The following EPB41L3 variants were observed in gnomAD, a reference collection of about 807,000 sequenced individuals.
EPB41L3 encodes erythrocyte membrane protein band 4.1 like 3.
A neutral mutation model predicts 127.1 loss-of-function variants in EPB41L3; 57 were observed. The observed-to-expected ratio is 0.45, with a 90% CI of 0.36 to 0.56. The LOEUF is 0.56. EPB41L3 is among the 20% of genes least tolerant of loss of function. EPB41L3 has a pLI of 0.00. For missense variants in EPB41L3, 1,273 were observed against 1,372.2 expected (o/e 0.93, Z 1.14); for synonymous variants, 572 against 549.5 (o/e 1.04, Z -0.57).
At chr18:5,394,954 T>C in intron 21 of EPB41L3, 113 bp downstream of exon 21, 2 of 1,255,084 alleles carry the variant, frequency 1.6e-6, no homozygotes, top group Non-Finnish European at 2.3e-6. Flanking sequence ...GAAAGTTAAT[T>C]CGGAATTTTC....
In EPB41L3 at chr18:5,435,701, T is replaced by G. The variant is rs76685741; in HGVS notation, c.606-1580A>C. On this transcript the variant is annotated intron_variant, in intron 6 of 22. Coordinates refer to ENST00000341928, the MANE Select transcript of EPB41L3 (RefSeq NM_012307.5). Reference sequence around the variant, plus strand: ...TCCGCATTGTTAAGTGACATGACTGTGTGATTATTAGGCCCCAATTAGCCT... The same window carrying G: ...TCCGCATTGTTAAGTGACATGACTGGGTGATTATTAGGCCCCAATTAGCCT... Among the ~76,000 whole-genome samples, 917 of 152,292 alleles carry G rather than the reference T, an allele frequency of 6.0e-3. 2 individuals carry two copies. Among genetic ancestry groups the G allele is most frequent in the Non-Finnish European group, 0.01 (695 of 68,014 alleles).
intron 6 of EPB41L3, among the ~76,000 whole-genome samples, chr18:5,434,703 ATAAAAGAC>A (rs1174073930): frequency 6.6e-6 from 1 of 152,264 alleles, no homozygotes; most frequent in Admixed American, 6.5e-5. Context: ...ACCTACATGT[ATAAAAGAC>A]TAGCACATAC....
At chr18:5,520,515 C>CA (rs1272293492) in intron 1 of EPB41L3, among the ~76,000 whole-genome samples, 1 of 149,558 alleles carries the variant, frequency 6.7e-6, no homozygotes, top group Non-Finnish European at 1.5e-5. Context: ...TTTTTCCTTC[C>CA]AAGTTGTATC....
rs536262561 is a variant in EPB41L3 at position 5,438,833 on chromosome 18, G to C, written c.530-723C>G. ...CTCAAGGCCTCTCCAGCACTGAAAA[G>C]GGTCAACCAGGAGTCAGCTCACAAG... On this transcript the variant is annotated intron_variant, in intron 5 of 22. Transcript: ENST00000341928. 4.6e-5 allele frequency among the ~76,000 whole-genome samples: 7 copies of C among 152,234 alleles called. No homozygotes were observed. The South Asian group carries it at 1.5e-3, about 32-fold the overall frequency.
Position 5,489,859 on chromosome 18 carries a change from C to G in EPB41L3, c.-11-665G>C, listed in dbSNP as rs534552934. ...TTCTCATCTTCTTCCTGGCTTCCCC[C>G]TATTTCCATTGAGTGTTGAAAGGTA... On this transcript the variant is annotated intron_variant, in intron 1 of 22. Transcript: ENST00000341928. Among the ~76,000 whole-genome samples, 35 of 152,320 alleles carry G rather than the reference C, an allele frequency of 2.3e-4. 1 individual carries two copies. The South Asian group carries it at 7.2e-3, about 32-fold the overall frequency.
At chr18:5,604,304 T>G (rs1420090037) in intron 3 of EPB41L3, among the ~76,000 whole-genome samples, 1 of 152,110 alleles carries the variant, frequency 6.6e-6, no homozygotes, top group African/African-American at 2.4e-5. Flanking sequence ...GTCCCCTTTT[T>G]GGGCACTCAG....
chr18:5,545,686 C>T (rs766154603), upstream of EPB41L3, among the ~76,000 whole-genome samples: 5 of 152,002 alleles, frequency 3.3e-5, no homozygotes, highest in African/African-American at 4.8e-5. Flanking sequence ...GGTTGGTGTT[C>T]GGAGGAGACT....
chr18:5,597,502 GGTAACT>G (rs1275287056), intron 3 of EPB41L3, among the ~76,000 whole-genome samples: 2 of 151,936 alleles, frequency 1.3e-5, no homozygotes, highest in Non-Finnish European at 2.9e-5. Context: ...CCAATCCCAT[GGTAACT>G]GTATTCTACT....
rs758020564 is a variant in EPB41L3 at position 5,424,301 on chromosome 18, C to T, written c.1124G>A (p.Arg375His). Reference sequence around the variant, plus strand: ...ATGCTCAACACATACTTTCCATAAACGCTTGGCAGCTCGATGGTTTGGCAG... The same window carrying T: ...ATGCTCAACACATACTTTCCATAAATGCTTGGCAGCTCGATGGTTTGGCAG... ...FKLPNHRAAK[R>H]LWKVCVEHHT... is the part of the protein sequence containing the mutation. The change falls in exon 10 of 23, where the codon CGT (arginine) becomes CAT (histidine). Residue 375 changes from arginine to histidine, a missense_variant. By Grantham distance (29) the Arg-to-His change is conservative. Coordinates refer to ENST00000341928, the MANE Select transcript of EPB41L3 (RefSeq NM_012307.5). 61 of 1,608,150 alleles carry T rather than the reference C, an allele frequency of 3.8e-5. No homozygotes were observed. Among genetic ancestry groups the T allele is most frequent in the Non-Finnish European group, 4.8e-5 (56 of 1,177,432 alleles).
chr18:5,603,310 C>T (rs1403460359), intron 3 of EPB41L3, among the ~76,000 whole-genome samples: 1 of 152,068 alleles, frequency 6.6e-6, no homozygotes. Flanking sequence ...AGCTAAGGCC[C>T]GCCTCCAACC....
chr18:5,590,650 G>A (rs1215927024), intron 3 of EPB41L3, among the ~76,000 whole-genome samples: 3 of 152,028 alleles, frequency 2.0e-5, no homozygotes, highest in Non-Finnish European at 2.9e-5. Context: ...AGTTGGAAAC[G>A]ATCTAAATGT....
intron 3 of EPB41L3, chr18:5,467,588 A>G (rs1338903312): frequency 1.3e-5 from 2 of 152,252 alleles, no homozygotes; most frequent in Non-Finnish European, 1.5e-5. Context: ...ATAGTAGGTA[A>G]AGACTTTAGT....
chr18:5,451,294 C>T (rs1264213248), intron 3 of EPB41L3, among the ~76,000 whole-genome samples: 1 of 152,170 alleles, frequency 6.6e-6, no homozygotes, highest in Non-Finnish European at 1.5e-5. Flanking sequence ...TCATGATGAG[C>T]TCACTGAGTT....
intron 3 of EPB41L3, among the ~76,000 whole-genome samples, chr18:5,457,099 A>G (rs1195401531): frequency 1.4e-5 from 2 of 141,642 alleles, no homozygotes; most frequent in East Asian, 4.3e-4. Flanking sequence ...GTAAATAACA[A>G]TCACATAAAA....
intron 3 of EPB41L3, among the ~76,000 whole-genome samples, chr18:5,584,292 T>C (rs563599338): frequency 2.6e-5 from 4 of 152,196 alleles, no homozygotes; most frequent in Admixed American, 6.5e-5. Flanking sequence ...CAACATTCCT[T>C]GCATGGATTT....
At chr18:5,455,130 G>A (rs898277185) in intron 3 of EPB41L3, among the ~76,000 whole-genome samples, 1 of 152,156 alleles carries the variant, frequency 6.6e-6, no homozygotes, top group Non-Finnish European at 1.5e-5. Context: ...CTCATGGGAA[G>A]CATCAACAAT....
intron 3 of EPB41L3, among the ~76,000 whole-genome samples, chr18:5,608,903 A>C (rs1264270177): frequency 6.6e-6 from 1 of 152,222 alleles, no homozygotes; most frequent in Non-Finnish European, 1.5e-5. Flanking sequence ...CAACAGATTA[A>C]ACTCAAATGA....
chr18:5,588,665 G>A (rs1399475748), intron 3 of EPB41L3, among the ~76,000 whole-genome samples: 1 of 151,946 alleles, frequency 6.6e-6, no homozygotes, highest in Non-Finnish European at 1.5e-5. Context: ...TAGAGGTGAA[G>A]TATATTGCCC....
At chr18:5,446,556 T>G (rs1436771258) in intron 3 of EPB41L3, among the ~76,000 whole-genome samples, 1 of 152,150 alleles carries the variant, frequency 6.6e-6, no homozygotes, top group African/African-American at 2.4e-5. Context: ...CAATGAGAAA[T>G]ATGAAAATTG....
Sources: allele counts gnomAD v4.1 joint callset (sites outside exome capture counted in the v4.1 genomes callset), GRCh38; gene constraint gnomAD v4.1.1; transcripts MANE v1.5; gene names NCBI Gene and HGNC (gene_info 2026-07-23, HGNC 2026-07-21).